The following PDE7B variants were observed in gnomAD, a reference collection of about 807,000 sequenced individuals.
The protein encoded by PDE7B is phosphodiesterase 7B, also known as 3',5'-cyclic-AMP phosphodiesterase 7B.
In PDE7B, 29 loss-of-function variants were observed where a neutral mutation model predicts 56.2. The ratio of observed to expected loss-of-function variants is 0.52; its 90% CI spans 0.38 to 0.70. The LOEUF (loss-of-function observed/expected upper bound fraction) is 0.70, where lower values mean the gene tolerates loss of function less well. Ranked by LOEUF, PDE7B falls within the 30% of genes least tolerant of loss-of-function variation. The pLI, the probability that PDE7B is intolerant of heterozygous loss-of-function variation, is 0.00. For missense variants in PDE7B, 490 were observed against 565.0 expected, an observed-to-expected ratio of 0.87 and a Z score of 1.35; for synonymous variants, 197 against 196.9, an observed-to-expected ratio of 1.00 and a Z score of 0.00.
intron 1 of PDE7B, among the ~76,000 whole-genome samples, chr6:135,896,196 T>G (rs1189858120): frequency 6.6e-6 from 1 of 152,134 alleles, no homozygotes; most frequent in African/African-American, 2.4e-5. Context: ...CTTGTGCTGA[T>G]GAACTCAATC....
At chr6:135,960,843 T>G (rs777111510) in intron 2 of PDE7B, among the ~76,000 whole-genome samples, 7 of 152,200 alleles carry the variant, frequency 4.6e-5, no homozygotes, top group Non-Finnish European at 1.0e-4. Context: ...CTTTGTCCAG[T>G]CTGCCTTCTT....
At chr6:136,122,192 T>C (rs1484374970) in intron 3 of PDE7B, among the ~76,000 whole-genome samples, 2 of 152,056 alleles carry the variant, frequency 1.3e-5, no homozygotes, top group Non-Finnish European at 2.9e-5. Context: ...AGATGGGGTT[T>C]CACCGTGTTA....
At chr6:136,163,865 C>A (rs919945568) in intron 8 of PDE7B, among the ~76,000 whole-genome samples, 1 of 152,228 alleles carries the variant, frequency 6.6e-6, no homozygotes, top group African/African-American at 2.4e-5. Flanking sequence ...TATGAGAGCA[C>A]CTAAGCCTAG....
intron 1 of PDE7B, among the ~76,000 whole-genome samples, chr6:135,853,270 A>C (rs1182509638): frequency 6.6e-6 from 1 of 152,158 alleles, no homozygotes; most frequent in Non-Finnish European, 1.5e-5. Context: ...TTCAAACATG[A>C]GGTGTATTTC....
At chr6:135,891,311 A>C (rs1016727218) in intron 1 of PDE7B, among the ~76,000 whole-genome samples, 3 of 152,246 alleles carry the variant, frequency 2.0e-5, no homozygotes. Context: ...GAGACTCATT[A>C]AAATGAAAAT....
At chr6:135,929,755 G>A (rs1275379829) in intron 1 of PDE7B, among the ~76,000 whole-genome samples, 1 of 152,178 alleles carries the variant, frequency 6.6e-6, no homozygotes. Flanking sequence ...GTGCTACGAG[G>A]GCGTTTAGAA....
intron 12 of PDE7B, 31 bp downstream of exon 12, chr6:136,187,147 A>G (rs1356127070): frequency 9.3e-7 from 1 of 1,070,012 alleles, no homozygotes; most frequent in Non-Finnish European, 1.4e-6. Flanking sequence ...ATTCCAAATA[A>G]ATACCTTTGG....
intron 1 of PDE7B, among the ~76,000 whole-genome samples, chr6:135,921,993 T>C (rs1774090761): frequency 6.6e-6 from 1 of 152,168 alleles, no homozygotes; most frequent in Admixed American, 6.5e-5. Context: ...GTACCTGAAA[T>C]GAGCATTAGT....
chr6:136,172,484 T>A (rs1778905034), intron 8 of PDE7B, among the ~76,000 whole-genome samples: 1 of 152,214 alleles, frequency 6.6e-6, no homozygotes, highest in African/African-American at 2.4e-5. Context: ...TTAATGGGGT[T>A]ATTTTTTTCT....
intron 1 of PDE7B, among the ~76,000 whole-genome samples, chr6:135,862,454 A>G (rs922363427): frequency 6.6e-6 from 1 of 151,832 alleles, no homozygotes; most frequent in Non-Finnish European, 1.5e-5. Flanking sequence ...GGATTTTGAA[A>G]CTATGTTGAT....
At chr6:136,189,064 A>AT (rs1486405954) in intron 12 of PDE7B, among the ~76,000 whole-genome samples, 27 of 151,894 alleles carry the variant, frequency 1.8e-4, no homozygotes, top group Admixed American at 1.8e-3. Flanking sequence ...TAATGCAGCT[A>AT]TTTCCTCTGT....
intron 2 of PDE7B, among the ~76,000 whole-genome samples, chr6:135,991,390 C>T (rs745554467): frequency 4.7e-5 from 7 of 149,844 alleles, no homozygotes; most frequent in African/African-American, 1.7e-4. Context: ...CAGAACATCA[C>T]GTTGTACACC....
At position 136,194,309 on chromosome 6, in the gene PDE7B, A is replaced by T. The variant is rs536924788; in HGVS notation, c.*2469A>T. The T allele has an allele frequency of 2.0e-5, 3 of 152,274 alleles. No homozygotes were observed. Among genetic ancestry groups the T allele is most frequent in the Non-Finnish European group, 4.4e-5 (3 of 68,022 alleles). The allele number at this position is 152,274 out of a possible 1,614,324, so 9.4% of individuals were successfully genotyped here. A position where few individuals can be genotyped will look rare whatever the true frequency, so the allele number is the denominator to read the frequency against. On this transcript the variant is annotated 3_prime_UTR_variant, in exon 13 of 13. Transcript: ENST00000308191. ...AATTTAAATAAATGAGATTGGAGGTATTCTTAGTAGTTCTGAGTTGATAGT... is the reference window on the plus strand; with the variant it reads ...AATTTAAATAAATGAGATTGGAGGTTTTCTTAGTAGTTCTGAGTTGATAGT...
intron 2 of PDE7B, among the ~76,000 whole-genome samples, chr6:135,951,643 TG>T (rs555955557): frequency 8.2e-4 from 125 of 152,284 alleles, no homozygotes; most frequent in African/African-American, 2.8e-3. Flanking sequence ...ATTATTAGAA[TG>T]GGATTTTTTC....
At position 136,192,876 on chromosome 6, in the gene PDE7B, T is replaced by TC. The variant is rs1443226668; in HGVS notation, c.*1039dup. The TC allele has an allele frequency of 6.6e-6, 1 of 152,318 alleles. No individual in the cohort carries two copies. Among genetic ancestry groups the TC allele is most frequent in the African/African-American group, 2.4e-5 (1 of 41,468 alleles). 9.4% of individuals were successfully genotyped at this position (152,318 alleles called of 1,614,324 possible). ...TCATAGATGTCTTTCTCAACTGCCT[T>TC]CCCATGTTCATCTGTATGTTTTCCA... is the stretch of plus-strand genomic sequence containing the variant. On this transcript the variant is annotated 3_prime_UTR_variant, in exon 13 of 13. Coordinates refer to ENST00000308191, the MANE Select transcript of PDE7B (RefSeq NM_018945.4).
At chr6:136,012,521 G>A (rs781313205) in intron 2 of PDE7B, 3 of 152,172 alleles carry the variant, frequency 2.0e-5, no homozygotes, top group Non-Finnish European at 4.4e-5. Flanking sequence ...GTTAAGGAAC[G>A]AGGAATATGT....
At chr6:135,925,543 A>G (rs1200974452) in intron 1 of PDE7B, among the ~76,000 whole-genome samples, 1 of 152,218 alleles carries the variant, frequency 6.6e-6, no homozygotes, top group Admixed American at 6.5e-5. Context: ...ATTTCACTAG[A>G]TGAAATTCAG....
At chr6:135,924,675 CTTT>C (rs11356421) in intron 1 of PDE7B, among the ~76,000 whole-genome samples, 2 of 82,706 alleles carry the variant, frequency 2.4e-5, no homozygotes, top group Admixed American at 1.4e-4. Context: ...TTTTGTTTTT[CTTT>C]TTTTTTTTTT....
At chr6:135,872,824 G>A (rs750594317) in intron 1 of PDE7B, among the ~76,000 whole-genome samples, 80 of 152,254 alleles carry the variant, frequency 5.3e-4, no homozygotes, top group Non-Finnish European at 8.7e-4. Flanking sequence ...CAGTATACAT[G>A]TGAACCTTGG....
Sources: allele counts gnomAD v4.1 joint callset (sites outside exome capture counted in the v4.1 genomes callset), GRCh38; gene constraint gnomAD v4.1.1; transcripts MANE v1.5; gene names NCBI Gene and HGNC (gene_info 2026-07-23, HGNC 2026-07-21).